Variants in KMT2E observed in about 807,000 individuals in gnomAD.
KMT2E encodes the protein lysine methyltransferase 2E (inactive).
A neutral mutation model predicts 184.6 loss-of-function variants in KMT2E; 30 were observed. The ratio of observed to expected loss-of-function variants is 0.16; its 90% CI spans 0.12 to 0.22. The LOEUF is 0.22. Among genes scored for constraint, KMT2E ranks in the 10% least tolerant of loss-of-function variants. The pLI, the probability that KMT2E is intolerant of heterozygous loss-of-function variation, is 1.00. For missense variants in KMT2E, 2,023 were observed against 2,237.4 expected (o/e 0.90, Z 1.93); for synonymous variants, 815 against 776.5 (o/e 1.05, Z -0.82).
intron 1 of KMT2E, among the ~76,000 whole-genome samples, chr7:105,019,369 CT>C (rs1320771673): frequency 6.6e-6 from 1 of 152,034 alleles, no homozygotes; most frequent in East Asian, 1.9e-4. Flanking sequence ...GACAGAAAAA[CT>C]TTTTTTATTG....
Position 105,105,420 on chromosome 7 carries a change from A to AT in KMT2E, c.2197-12dup. 6.5e-7 allele frequency: 1 copy of AT among 1,549,056 alleles called. No homozygotes were observed. Among genetic ancestry groups the AT allele is most frequent in the African/African-American group, 1.4e-5 (1 of 72,188 alleles). ...TTGGAATTACATATATAATGATCCA[A>AT]TTTTTTTCTTTTCTCTAGCACTTGG... On this transcript the variant is annotated intron_variant, in intron 17 of 26. Coordinates refer to ENST00000311117, the MANE Select transcript of KMT2E (RefSeq NM_182931.3).
rs189362753 is a variant in KMT2E at position 105,041,635 on chromosome 7, G to A, written c.71+612G>A. Reference sequence around the variant, plus strand: ...AGGCTGGTCTCGAACTCCTGACCTCGTGATCCACTCTCCTCGGACTCCCAA... The same window carrying A: ...AGGCTGGTCTCGAACTCCTGACCTCATGATCCACTCTCCTCGGACTCCCAA... On this transcript the variant is annotated intron_variant, in intron 3 of 26. Coordinates refer to ENST00000311117, the MANE Select transcript of KMT2E (RefSeq NM_182931.3). 7.2e-5 allele frequency among the ~76,000 whole-genome samples: 11 copies of A among 152,238 alleles called. No individual in the cohort carries two copies. The East Asian group carries it at 9.7e-4, about 13-fold the overall frequency.
intron 22 of KMT2E, 36 bp downstream of exon 22, chr7:105,107,961 T>TTG: frequency 2.1e-6 from 1 of 479,556 alleles, no homozygotes; most frequent in South Asian, 4.5e-5. Flanking sequence ...CTTTTAATAG[T>TTG]TTTTTTTTTT....
intron 3 of KMT2E, among the ~76,000 whole-genome samples, chr7:105,053,437 A>C (rs1344327013): frequency 6.6e-6 from 1 of 152,202 alleles, no homozygotes; most frequent in Non-Finnish European, 1.5e-5. Context: ...AGGATTAAAG[A>C]TCTAGTTTGC....
Position 105,099,112 on chromosome 7 carries a change from TTAAAAA to T in KMT2E, c.1723-2308_1723-2303del, listed in dbSNP as rs781547720. On this transcript the variant is annotated intron_variant, in intron 15 of 26. Coordinates refer to ENST00000311117, the MANE Select transcript of KMT2E (RefSeq NM_182931.3). The stretch of plus-strand genomic sequence containing the variant: ...TGAATGATGTATGACCTTTAAGAAA[TTAAAAA>T]TAAATGTAGAAAATCAGGCACGTTT... Among the ~76,000 whole-genome samples, 58 of 152,164 alleles carry T rather than the reference TTAAAAA, an allele frequency of 3.8e-4. 2 individuals carry two copies. The highest frequency in any genetic ancestry group is 8.8e-5 in the Non-Finnish European group (6 of 68,026).
chr7:105,063,782 A>G, intron 5 of KMT2E: 1 of 553,988 alleles, frequency 1.8e-6, no homozygotes, highest in African/African-American at 1.9e-5. Flanking sequence ...ACTGAGTAAT[A>G]GACAGTCAGT....
chr7:105,086,525 G>T (rs568517569), intron 13 of KMT2E, among the ~76,000 whole-genome samples: 19 of 152,098 alleles, frequency 1.2e-4, no homozygotes, highest in African/African-American at 3.9e-4. Flanking sequence ...AGGAGATCGA[G>T]ACCAGCCTGG....
intron 3 of KMT2E, among the ~76,000 whole-genome samples, chr7:105,052,246 G>A (rs952291618): frequency 2.0e-5 from 3 of 151,964 alleles, no homozygotes; most frequent in African/African-American, 7.3e-5. Context: ...TCTGCCTTAG[G>A]GACTTTGTAC....
In KMT2E at chr7:105,105,495, T is replaced by C. The variant is rs148436282; in HGVS notation, c.2253T>C (p.Asp751=). 4.3e-6 allele frequency: 7 copies of C among 1,611,208 alleles called. No individual in the cohort carries two copies. Among genetic ancestry groups the C allele is most frequent in the Non-Finnish European group, 5.9e-6 (7 of 1,178,950 alleles). Residue 751 remains aspartate, a synonymous_variant, in exon 18 of 27, where the codon GAT becomes GAC. Coordinates refer to ENST00000311117, the MANE Select transcript of KMT2E (RefSeq NM_182931.3). ...EKNEKTGKPS[D]GLSERPLRIT... ...ATGAGAAGACAGGAAAACCTTCAGATGGCCTTTCAGAAAGGCCTCTACGCA... is the reference window on the plus strand; with the variant it reads ...ATGAGAAGACAGGAAAACCTTCAGACGGCCTTTCAGAAAGGCCTCTACGCA...
intron 1 of KMT2E, among the ~76,000 whole-genome samples, chr7:105,018,804 A>G (rs964871718): frequency 6.6e-5 from 10 of 152,216 alleles, no homozygotes; most frequent in African/African-American, 2.4e-4. Context: ...ACATTGAAAG[A>G]ATAATTTTTT....
At chr7:105,025,733 A>G (rs1485869992) in intron 1 of KMT2E, among the ~76,000 whole-genome samples, 1 of 152,212 alleles carries the variant, frequency 6.6e-6, no homozygotes, top group Non-Finnish European at 1.5e-5. Context: ...TAAACCAATG[A>G]TAAATGAATG....
intron 5 of KMT2E, chr7:105,063,918 A>G: frequency 4.4e-6 from 2 of 452,328 alleles, no homozygotes; most frequent in South Asian, 1.6e-5. Context: ...TTTCCTTTGG[A>G]ATAATTTGTG....
chr7:105,072,383 G>C (rs981364453), intron 6 of KMT2E, among the ~76,000 whole-genome samples: 1 of 152,122 alleles, frequency 6.6e-6, no homozygotes, highest in Non-Finnish European at 1.5e-5. Flanking sequence ...AGTTGAGAGA[G>C]ATATGTTTAT....
chr7:105,056,037 T>C (rs896652231), intron 3 of KMT2E, among the ~76,000 whole-genome samples: 4 of 152,092 alleles, frequency 2.6e-5, no homozygotes, highest in Non-Finnish European at 4.4e-5. Context: ...GCAGAGACAG[T>C]GTCTTATCTT....
At chr7:105,087,721 G>A (rs1798042077) in intron 13 of KMT2E, among the ~76,000 whole-genome samples, 1 of 151,606 alleles carries the variant, frequency 6.6e-6, no homozygotes, top group Admixed American at 6.6e-5. Context: ...ACCACGCCCA[G>A]CCTCCCAGAG....
At chr7:105,037,703 G>A (rs548231241) in intron 1 of KMT2E, among the ~76,000 whole-genome samples, 3 of 152,162 alleles carry the variant, frequency 2.0e-5, no homozygotes, top group African/African-American at 7.2e-5. Flanking sequence ...GGCAGCTTCA[G>A]TCTTCCAGTT....
At chr7:105,084,744 A>T (rs1185330704) in intron 13 of KMT2E, among the ~76,000 whole-genome samples, 1 of 152,208 alleles carries the variant, frequency 6.6e-6, no homozygotes, top group African/African-American at 2.4e-5. Context: ...GCTCCTGGGC[A>T]TGTGTCACAT....
At chr7:105,072,733 T>C (rs1797373097) in intron 6 of KMT2E, among the ~76,000 whole-genome samples, 1 of 151,884 alleles carries the variant, frequency 6.6e-6, no homozygotes, top group Non-Finnish European at 1.5e-5. Context: ...CTGACCAACA[T>C]GGAGAAACCC....
chr7:105,040,450 C>G (rs1164304972), intron 2 of KMT2E, among the ~76,000 whole-genome samples: 1 of 152,126 alleles, frequency 6.6e-6, no homozygotes, highest in Non-Finnish European at 1.5e-5. Flanking sequence ...ATGTAAAAAG[C>G]TGATTATGGT....
Sources: allele counts gnomAD v4.1 joint callset (sites outside exome capture counted in the v4.1 genomes callset), GRCh38; gene constraint gnomAD v4.1.1; transcripts MANE v1.5; gene names NCBI Gene and HGNC (gene_info 2026-07-23, HGNC 2026-07-21).